The following STARD13 variants were observed in gnomAD, a reference collection of about 807,000 sequenced individuals.
STARD13 encodes the protein stAR-related lipid transfer protein 13.
Under a neutral mutation model 106.4 loss-of-function variants are expected in STARD13, and 62 were observed. That is an observed-to-expected ratio of 0.58 (90% CI 0.48 to 0.72). STARD13 has a LOEUF of 0.72. STARD13 is among the 30% of genes least tolerant of loss of function. The pLI is 0.00. For missense variants in STARD13, 1,387 were observed against 1,424.0 expected, an observed-to-expected ratio of 0.97 and a Z score of 0.42; for synonymous variants, 565 against 553.0, an observed-to-expected ratio of 1.02 and a Z score of -0.31.
chr13:33,208,720 G>A (rs1195986001), intron 1 of STARD13, among the ~76,000 whole-genome samples: 1 of 152,152 alleles, frequency 6.6e-6, no homozygotes, highest in East Asian at 1.9e-4. Flanking sequence ...TGAACTAGGA[G>A]GACAGGGTTG....
intron 1 of STARD13, among the ~76,000 whole-genome samples, chr13:33,340,772 A>G (rs1168698040): frequency 6.6e-6 from 1 of 152,232 alleles, no homozygotes; most frequent in Non-Finnish European, 1.5e-5. Flanking sequence ...TTGCAAATAA[A>G]ATATTGTGTA....
At chr13:33,224,216 C>G (rs1343852464) in intron 1 of STARD13, among the ~76,000 whole-genome samples, 3 of 152,144 alleles carry the variant, frequency 2.0e-5, no homozygotes, top group African/African-American at 4.8e-5. Context: ...TAGGAAACAC[C>G]AGGTAGCCAT....
the STARD13 span, among the ~76,000 whole-genome samples, chr13:33,445,432 C>T: frequency 1.9e-4 from 29 of 152,234 alleles, no homozygotes; most frequent in African/African-American, 7.0e-4. Context: ...CACTAGATTA[C>T]CACTAGAAAG....
chr13:33,620,384 G>C, the STARD13 span, among the ~76,000 whole-genome samples: 1 of 151,388 alleles, frequency 6.6e-6, no homozygotes, highest in South Asian at 2.1e-4. Context: ...CCAGGTTCAA[G>C]TGATTCTCCT....
rs199633419 is a variant in STARD13 at position 33,129,922 on chromosome 13, G to A, written c.755C>T (p.Thr252Met). 96 of 1,613,324 alleles carry A rather than the reference G, an allele frequency of 6.0e-5. No homozygotes were observed. The highest frequency in any genetic ancestry group is 1.6e-4 in the Middle Eastern group (1 of 6,084). Reference sequence around the variant, plus strand: ...CAAAAATGATTTGGCCCTAGCCCTCGTGGGCTTCTCATTCTTGGGGTGGAA... The same window carrying A: ...CAAAAATGATTTGGCCCTAGCCCTCATGGGCTTCTCATTCTTGGGGTGGAA... The part of the protein sequence containing the change: ...HPFHPKNEKP[T>M]RARAKSFLKR... Residue 252 changes from threonine to methionine, a missense_variant, in exon 5 of 14, where the codon ACG becomes ATG. Thr to Met is a moderately conservative substitution (Grantham distance 81). Coordinates refer to ENST00000336934, the MANE Select transcript of STARD13 (RefSeq NM_178006.4).
At chr13:33,496,324 T>C in the STARD13 span, among the ~76,000 whole-genome samples, 1 of 150,786 alleles carries the variant, frequency 6.6e-6, no homozygotes, top group Non-Finnish European at 1.5e-5. Context: ...CTCAGTTTAT[T>C]TTATTAAAAA....
At chr13:33,124,838 T>C (rs1286872889) in intron 7 of STARD13, among the ~76,000 whole-genome samples, 3 of 152,190 alleles carry the variant, frequency 2.0e-5, no homozygotes. Context: ...AAAAGTAGCC[T>C]GTCACCCTTA....
upstream of STARD13, among the ~76,000 whole-genome samples, chr13:33,352,623 G>A (rs1209256219): frequency 1.3e-5 from 2 of 152,248 alleles, no homozygotes; most frequent in African/African-American, 4.8e-5. Context: ...ATTGAGGACT[G>A]TCCAAGAGAA....
At chr13:33,476,727 C>G in the STARD13 span, among the ~76,000 whole-genome samples, 1 of 152,154 alleles carries the variant, frequency 6.6e-6, no homozygotes, top group Non-Finnish European at 1.5e-5. Flanking sequence ...CAGTAGACAC[C>G]AAATAACAGT....
At chr13:33,552,903 C>T in the STARD13 span, among the ~76,000 whole-genome samples, 2 of 151,966 alleles carry the variant, frequency 1.3e-5, no homozygotes, top group South Asian at 4.1e-4. Context: ...ATTAAAAACA[C>T]ACAAAAATTC....
chr13:33,404,952 T>A, the STARD13 span, among the ~76,000 whole-genome samples: 1 of 152,070 alleles, frequency 6.6e-6, no homozygotes, highest in African/African-American at 2.4e-5. Flanking sequence ...AATTTTTGTA[T>A]TTTTAGTAGA....
At chr13:33,433,274 T>C in the STARD13 span, among the ~76,000 whole-genome samples, 1 of 152,214 alleles carries the variant, frequency 6.6e-6, no homozygotes, top group Admixed American at 6.5e-5. Flanking sequence ...TTTCAATGTC[T>C]CTCATCCTCT....
At chr13:33,650,969 A>C in the STARD13 span, among the ~76,000 whole-genome samples, 1 of 152,244 alleles carries the variant, frequency 6.6e-6, no homozygotes, top group Admixed American at 6.5e-5. Flanking sequence ...AGCCTCAAGA[A>C]CTGTGAAAAA....
the STARD13 span, among the ~76,000 whole-genome samples, chr13:33,628,186 CACACA>C: frequency 0.022 from 3,276 of 146,938 alleles, 131 homozygotes; most frequent in African/African-American, 0.083. Flanking sequence ...CACACACACA[CACACA>C]CCACATGCAT....
the STARD13 span, among the ~76,000 whole-genome samples, chr13:33,643,583 T>A: frequency 6.6e-6 from 1 of 152,252 alleles, no homozygotes; most frequent in Non-Finnish European, 1.5e-5. Context: ...TAAAGGAAAT[T>A]AGCTTTGGAG....
the STARD13 span, among the ~76,000 whole-genome samples, chr13:33,464,043 G>GTATATGTA: frequency 1.8e-5 from 2 of 112,758 alleles, no homozygotes; most frequent in African/African-American, 3.0e-5. Flanking sequence ...ATATATATAT[G>GTATATGTA]TATATGTATA....
chr13:33,622,217 G>A, the STARD13 span, among the ~76,000 whole-genome samples: 1 of 152,158 alleles, frequency 6.6e-6, no homozygotes, highest in Non-Finnish European at 1.5e-5. Flanking sequence ...GCTCATTTAT[G>A]GGGCGAAAAT....
At chr13:33,343,472 G>A (rs1345013801) in intron 1 of STARD13, among the ~76,000 whole-genome samples, 4 of 148,108 alleles carry the variant, frequency 2.7e-5, no homozygotes, top group Non-Finnish European at 4.5e-5. Context: ...CCAGCTACTC[G>A]GAAGGCTGAT....
the STARD13 span, among the ~76,000 whole-genome samples, chr13:33,605,960 C>T: frequency 6.6e-6 from 1 of 152,112 alleles, no homozygotes; most frequent in Non-Finnish European, 1.5e-5. Flanking sequence ...TACATACTAG[C>T]TGAGCAAGTT....
Sources: gnomAD v4.1 joint callset for allele counts (sites outside exome capture counted in the v4.1 genomes callset) on GRCh38, gnomAD v4.1.1 for gene constraint, MANE v1.5 for transcripts, NCBI Gene and HGNC (gene_info 2026-07-23, HGNC 2026-07-21) for gene names.